The following EMC6 variants were observed in gnomAD, a reference collection of about 807,000 sequenced individuals.
EMC6 encodes the protein transmembrane protein 93.
In EMC6, 1 loss-of-function variant was observed where a neutral mutation model predicts 6.5. That is an observed-to-expected ratio of 0.15 (90% confidence interval 0.05 to 0.73). The LOEUF is 0.73. Among genes scored for constraint, EMC6 ranks in the 30% least tolerant of loss-of-function variants. EMC6 has a pLI of 0.78. For missense variants in EMC6, 114 were observed against 146.7 expected (o/e 0.78, Z 1.15); for synonymous variants, 96 against 74.3 (o/e 1.29, Z -1.50).
At chr17:3,669,048 C>A (rs1029297841) in intron 1 of EMC6, 50 bp from the exon 2 acceptor site, 2 of 1,214,528 alleles carry the variant, frequency 1.6e-6, no homozygotes, top group Non-Finnish European at 2.2e-6. Flanking sequence ...GCGGCGTGAA[C>A]CCAACTCACC....
In EMC6 at chr17:3,669,404, A is replaced by G; in HGVS notation, c.258A>G (p.Thr86=). Residue 86 remains threonine, a synonymous_variant, in exon 2 of 2, where the codon ACA becomes ACG. Transcript: ENST00000248378. ...TCAAATCACGGAGACCTCTCTTTAC[A>G]GGAGGCCTCATCGGGGGCCTCTTCA... ...KYFKSRRPLF[T]GGLIGGLFTY... The G allele has an allele frequency of 6.2e-7, 1 of 1,613,996 alleles. No individual in the cohort carries two copies. The highest frequency in any genetic ancestry group is 1.1e-5 in the South Asian group (1 of 91,084).
At position 3,668,858 on chromosome 17, in the gene EMC6, T is replaced by C. The variant is rs1214690169; in HGVS notation, c.-91T>C. ...CCGCGGGCATTTCTTCCACTGCCCG[T>C]CTGAGGGAACGCTAAGTAGTGTGTC... On this transcript the variant is annotated 5_prime_UTR_variant, in exon 1 of 2. Coordinates refer to ENST00000248378, the MANE Select transcript of EMC6 (RefSeq NM_031298.4). This position sits in a 1 kb window ranked among gnomAD's most constrained non-coding sequence, Gnocchi z 4.1. 3 of 520,432 alleles carry C rather than the reference T, an allele frequency of 5.8e-6. No homozygotes were observed. Among genetic ancestry groups the C allele is most frequent in the Non-Finnish European group, 1.0e-5 (3 of 297,824 alleles). The allele number at this position is 520,432 out of a possible 1,614,324, so 32.2% of individuals were successfully genotyped here. A position where few individuals can be genotyped will look rare whatever the true frequency, so the allele number is the denominator to read the frequency against.
Position 3,669,354 on chromosome 17 carries a change from G to T in EMC6, c.208G>T (p.Ala70Ser). The T allele has an allele frequency of 6.2e-7, 1 of 1,614,166 alleles. No homozygotes were observed. Among genetic ancestry groups the T allele is most frequent in the Non-Finnish European group, 8.5e-7 (1 of 1,180,044 alleles). Residue 70 changes from alanine to serine, a missense_variant, in exon 2 of 2, where the codon GCG (alanine) becomes TCG (serine). Ala to Ser is a moderately conservative substitution (Grantham distance 99). Transcript: ENST00000248378. ...VLLSLLLILK[A>S]GRRWNKYFKS... The stretch of plus-strand genomic sequence containing the variant: ...GCTCTCCCTGCTCCTCATTCTCAAG[G>T]CGGGAAGGAGGTGGAACAAATATTT...
At position 3,669,313 on chromosome 17, in the gene EMC6, T is replaced by A. The variant is rs2049976774; in HGVS notation, c.167T>A (p.Leu56Gln). The A allele has an allele frequency of 6.2e-7, 1 of 1,614,062 alleles. No homozygotes were observed. Among genetic ancestry groups the A allele is most frequent in the African/African-American group, 1.3e-5 (1 of 74,958 alleles). The change falls in exon 2 of 2, where the codon CTG (leucine) becomes CAG (glutamine). Residue 56 changes from leucine (L) to glutamine (Q), a missense_variant. Transcript: ENST00000248378. ...LTGLYGFIFYLLASVLLSLLL... is the reference protein window; with the variant it reads ...LTGLYGFIFYQLASVLLSLLL... ...GGCCTCTACGGCTTCATCTTCTACC[T>A]GCTCGCCTCCGTCCTGCTCTCCCTG...
Position 3,669,614 on chromosome 17 carries a change from T to C in EMC6, c.*135T>C. The C allele has an allele frequency of 1.5e-6, 1 of 678,968 alleles. No individual in the cohort carries two copies. Among genetic ancestry groups the C allele is most frequent in the Non-Finnish European group, 2.4e-6 (1 of 416,914 alleles). The allele number at this position is 678,968 out of a possible 1,614,324, so 42.1% of individuals were successfully genotyped here. A position where few individuals can be genotyped will look rare whatever the true frequency, so the allele number is the denominator to read the frequency against. On this transcript the variant is annotated 3_prime_UTR_variant, in exon 2 of 2. Transcript: ENST00000248378. ...TCTGTAACGTTATAAATAATTTATA[T>C]CTGAAGACGGAGAGCCTGTAATATT...
Position 3,669,552 on chromosome 17 carries a change from C to A in EMC6, c.*73C>A. 1 of 1,246,080 alleles carries A rather than the reference C, an allele frequency of 8.0e-7. No individual in the cohort carries two copies. Among genetic ancestry groups the A allele is most frequent in the Non-Finnish European group, 1.1e-6 (1 of 893,914 alleles). 77.2% of individuals were successfully genotyped at this position (1,246,080 alleles called of 1,614,324 possible). ...TGGCCAGCAATTAACACCATGTAGA[C>A]TTCCTTAGTTCTTAAGTGGTTGAAT... is the stretch of plus-strand genomic sequence containing the variant. On this transcript the variant is annotated 3_prime_UTR_variant, in exon 2 of 2. Transcript: ENST00000248378.
rs1407915963 is a variant in EMC6 at position 3,668,979 on chromosome 17, C to A, written c.-50+80C>A. ...CCCGGACCCTCAATCTCCTCGGCGTCTTTGGAAGATCCGAGGCCCAGGACT... is the reference window on the plus strand; with the variant it reads ...CCCGGACCCTCAATCTCCTCGGCGTATTTGGAAGATCCGAGGCCCAGGACT... On this transcript the variant is annotated intron_variant, in intron 1 of 1. Transcript: ENST00000248378. This position sits in a 1 kb window ranked among gnomAD's most constrained non-coding sequence, Gnocchi z 4.1. 4.5e-6 allele frequency: 3 copies of A among 669,496 alleles called. No individual in the cohort carries two copies. The highest frequency in any genetic ancestry group is 7.3e-6 in the Non-Finnish European group (3 of 412,984). The allele number at this position is 669,496 out of a possible 1,614,324, so 41.5% of individuals were successfully genotyped here. A position where few individuals can be genotyped will look rare whatever the true frequency, so the allele number is the denominator to read the frequency against.
chr17:3,669,437 C>A lies in EMC6; in HGVS notation c.291C>A (p.Val97=). ...TCATCGGGGGCCTCTTCACCTACGT[C>A]CTGTTCTGGACGTTCCTCTACGGCA... ...GGLIGGLFTY[V]LFWTFLYGMV... Residue 97 remains valine, a synonymous_variant, in exon 2 of 2, where the codon GTC becomes GTA. Transcript: ENST00000248378. 1.9e-6 allele frequency: 3 copies of A among 1,613,736 alleles called. No homozygotes were observed. Among genetic ancestry groups the A allele is most frequent in the Non-Finnish European group, 2.5e-6 (3 of 1,179,948 alleles).
Position 3,669,235 on chromosome 17 carries a change from G to C in EMC6, c.89G>C (p.Arg30Pro). ...AACGCCGCCGTCCTGGATTATTGCCGGACCTCGGTGTCAGCGCTGTCGGGG... is the reference window on the plus strand; with the variant it reads ...AACGCCGCCGTCCTGGATTATTGCCCGACCTCGGTGTCAGCGCTGTCGGGG... Reference protein sequence around the residue: ...RGNAAVLDYCRTSVSALSGAT... With the variant: ...RGNAAVLDYCPTSVSALSGAT... The change falls in exon 2 of 2, where the codon CGG becomes CCG. Residue 30 changes from arginine to proline, a missense_variant. By Grantham distance (103) the Arg-to-Pro change is moderately radical. Transcript: ENST00000248378. 1 of 1,612,232 alleles carries C rather than the reference G, an allele frequency of 6.2e-7. No individual in the cohort carries two copies. The highest frequency in any genetic ancestry group is 8.5e-7 in the Non-Finnish European group (1 of 1,179,598).
chr17:3,669,510 C>T lies in EMC6; in HGVS notation c.*31C>T, dbSNP rs2142992814. On this transcript the variant is annotated 3_prime_UTR_variant, in exon 2 of 2. Coordinates refer to ENST00000248378, the MANE Select transcript of EMC6 (RefSeq NM_031298.4). ...GGGCCCGGGGGACTTTTTTAAAAAACCAGATCGGGAGGACTGTGGCCAGCA... is the reference window on the plus strand; with the variant it reads ...GGGCCCGGGGGACTTTTTTAAAAAATCAGATCGGGAGGACTGTGGCCAGCA... The T allele has an allele frequency of 1.9e-6, 3 of 1,547,302 alleles. No individual in the cohort carries two copies. The highest frequency in any genetic ancestry group is 1.4e-5 in the African/African-American group (1 of 72,750).
chr17:3,668,812 A>G lies in EMC6; in HGVS notation c.-137A>G, dbSNP rs1157337785. The stretch of plus-strand genomic sequence containing the variant: ...CGTGCGCAGCCCGAGACCTCCCGGC[A>G]GTCTTCCGAGCAAGATGGCGCCGCG... On this transcript the variant is annotated 5_prime_UTR_variant, in exon 1 of 2. Transcript: ENST00000248378. The surrounding 1 kb of genome is among the most constrained non-coding windows in gnomAD (Gnocchi z 4.1). The G allele has an allele frequency of 1.9e-6, 1 of 513,046 alleles. No homozygotes were observed. The highest frequency in any genetic ancestry group is 2.0e-5 in the African/African-American group (1 of 49,216). The allele number at this position is 513,046 out of a possible 1,614,324, so 31.8% of individuals were successfully genotyped here.
chr17:3,669,010 C>T, intron 1 of EMC6, 88 bp from the exon 2 acceptor site: 1 of 798,088 alleles, frequency 1.3e-6, no homozygotes, highest in Non-Finnish European at 1.9e-6. Context: ...GGACTGGTGC[C>T]AGGTCTCGGA....
chr17:3,669,603 A>C lies in EMC6; in HGVS notation c.*124A>C, dbSNP rs1350569726. Reference sequence around the variant, plus strand: ...TCGCTGCTTGTTCTGTAACGTTATAAATAATTTATATCTGAAGACGGAGAG... The same window carrying C: ...TCGCTGCTTGTTCTGTAACGTTATACATAATTTATATCTGAAGACGGAGAG... On this transcript the variant is annotated 3_prime_UTR_variant, in exon 2 of 2. Coordinates refer to ENST00000248378, the MANE Select transcript of EMC6 (RefSeq NM_031298.4). 1 of 713,026 alleles carries C rather than the reference A, an allele frequency of 1.4e-6. No individual in the cohort carries two copies. The highest frequency in any genetic ancestry group is 2.2e-6 in the Non-Finnish European group (1 of 444,764). The allele number at this position is 713,026 out of a possible 1,614,324, so 44.2% of individuals were successfully genotyped here.
At position 3,669,388 on chromosome 17, in the gene EMC6, G is replaced by A. The variant is rs750458043; in HGVS notation, c.242G>A (p.Arg81Gln). ...AGGTGGAACAAATATTTCAAATCAC[G>A]GAGACCTCTCTTTACAGGAGGCCTC... ...GRRWNKYFKS[R>Q]RPLFTGGLIG... The change falls in exon 2 of 2, where the codon CGG becomes CAG. Residue 81 changes from arginine (R) to glutamine (Q), a missense_variant. Transcript: ENST00000248378. 2 of 1,614,032 alleles carry A rather than the reference G, an allele frequency of 1.2e-6. No individual in the cohort carries two copies. The highest frequency in any genetic ancestry group is 2.2e-5 in the East Asian group (1 of 44,888).
rs1322102327 is a variant in EMC6, at chr17:3,669,557, T to G, written c.*78T>G. ...AGCAATTAACACCATGTAGACTTCC[T>G]TAGTTCTTAAGTGGTTGAATTCGCT... On this transcript the variant is annotated 3_prime_UTR_variant, in exon 2 of 2. Transcript: ENST00000248378. 1 of 1,213,724 alleles carries G rather than the reference T, an allele frequency of 8.2e-7. No homozygotes were observed. The highest frequency in any genetic ancestry group is 1.5e-5 in the African/African-American group (1 of 65,774). The allele number at this position is 1,213,724 out of a possible 1,614,324, so 75.2% of individuals were successfully genotyped here. A position where few individuals can be genotyped will look rare whatever the true frequency, so the allele number is the denominator to read the frequency against.
rs2049980243 is a variant in EMC6, at chr17:3,669,473, C to G, written c.327C>G (p.Val109=). The G allele has an allele frequency of 6.3e-7, 1 of 1,588,080 alleles. No individual in the cohort carries two copies. The highest frequency in any genetic ancestry group is 1.4e-5 in the African/African-American group (1 of 74,008). ...CGTTCCTCTACGGCATGGTGCACGT[C>G]TACTGAAATGGGGGCCCGGGGGACT... ...FWTFLYGMVH[V]Y The change falls in exon 2 of 2, where the codon GTC becomes GTG. Residue 109 remains valine, a synonymous_variant. Coordinates refer to ENST00000248378, the MANE Select transcript of EMC6 (RefSeq NM_031298.4).
chr17:3,669,136 G>C lies in EMC6; in HGVS notation c.-11G>C. 6.6e-7 allele frequency: 1 copy of C among 1,504,192 alleles called. No homozygotes were observed. The highest frequency in any genetic ancestry group is 8.9e-7 in the Non-Finnish European group (1 of 1,126,862). 93.2% of individuals were successfully genotyped at this position (1,504,192 alleles called of 1,614,324 possible). On this transcript the variant is annotated 5_prime_UTR_variant, in exon 2 of 2. Coordinates refer to ENST00000248378, the MANE Select transcript of EMC6 (RefSeq NM_031298.4). ...CGCGAGAAAGCGAGAGGCCGAGCCC[G>C]GGCTGGTGCGATGGCCGCGGTGGTG... is the stretch of plus-strand genomic sequence containing the variant.
Position 3,669,572 on chromosome 17 carries a change from T to G in EMC6, c.*93T>G. The G allele has an allele frequency of 1.0e-6, 1 of 957,582 alleles. No individual in the cohort carries two copies. Among genetic ancestry groups the G allele is most frequent in the Non-Finnish European group, 1.5e-6 (1 of 646,740 alleles). The allele number at this position is 957,582 out of a possible 1,614,324, so 59.3% of individuals were successfully genotyped here. ...GTAGACTTCCTTAGTTCTTAAGTGG[T>G]TGAATTCGCTGCTTGTTCTGTAACG... On this transcript the variant is annotated 3_prime_UTR_variant, in exon 2 of 2. Transcript: ENST00000248378.
At position 3,669,214 on chromosome 17, in the gene EMC6, C is replaced by T. The variant is rs1259364950; in HGVS notation, c.68C>T (p.Ala23Val). ...AGCGAGGCGGCCGTGCGGGGCAACG[C>T]CGCCGTCCTGGATTATTGCCGGACC... The part of the protein sequence containing the change: ...FISEAAVRGN[A>V]AVLDYCRTSV... Residue 23 changes from alanine to valine, a missense_variant, in exon 2 of 2, where the codon GCC (alanine) becomes GTC (valine). Physicochemically the swap from Ala to Val is moderately conservative, Grantham distance 64. Coordinates refer to ENST00000248378, the MANE Select transcript of EMC6 (RefSeq NM_031298.4). 5.6e-6 allele frequency: 9 copies of T among 1,605,158 alleles called. No homozygotes were observed. The East Asian group carries it at 6.7e-5, about 12-fold the overall frequency.
Sources: allele counts gnomAD v4.1 joint callset, GRCh38; gene constraint gnomAD v4.1.1; non-coding constraint Gnocchi (gnomAD v3.1); transcripts MANE v1.5; gene names NCBI Gene and HGNC (gene_info 2026-07-23, HGNC 2026-07-21).